CCDC42: variants seen among roughly 807,000 people sequenced by gnomAD.
The protein encoded by CCDC42 is coiled-coil domain containing 42.
A neutral mutation model predicts 40.8 loss-of-function variants in CCDC42; 38 were observed. The ratio of observed to expected loss-of-function variants is 0.93; its 90% CI spans 0.72 to 1.22. The LOEUF is 1.22. Among genes scored for constraint, CCDC42 ranks in the 50% most tolerant of loss-of-function variants. The pLI is 0.00. For missense variants in CCDC42, 379 were observed against 416.5 expected, an observed-to-expected ratio of 0.91 and a Z score of 0.78; for synonymous variants, 135 against 157.5, an observed-to-expected ratio of 0.86 and a Z score of 1.07.
Position 8,741,648 on chromosome 17 carries a change from G to A in CCDC42, c.318C>T (p.Arg106=), listed in dbSNP as rs768202344. 9 of 1,613,214 alleles carry A rather than the reference G, an allele frequency of 5.6e-6. No individual in the cohort carries two copies. The highest frequency in any genetic ancestry group is 2.7e-5 in the African/African-American group (2 of 74,876). The change falls in exon 4 of 7, where the codon CGC becomes CGT. Residue 106 remains arginine, a synonymous_variant. Coordinates refer to ENST00000293845, the MANE Select transcript of CCDC42 (RefSeq NM_144681.3). ...FIQENDQKRI[R]AMKKANKERE... The stretch of plus-strand genomic sequence containing the variant: ...GCTCCTTGTTGGCTTTCTTCATGGC[G>A]CGGATCCGTTTCTGGTCGTTCTCCT...
Position 8,744,162 on chromosome 17 carries a change from C to A in CCDC42, c.106G>T (p.Ala36Ser), listed in dbSNP as rs1567537108. Residue 36 changes from alanine to serine, a missense_variant, in exon 2 of 7, where the codon GCG (alanine) becomes TCG (serine). Transcript: ENST00000293845. ...MLQKLPNVEG[A>S]SESPSIWLLE... Reference sequence around the variant, plus strand: ...AGCCAGATGGATGGGGACTCCGACGCCCCCTCAACATTGGGGAGTTTCCTG... The same window carrying A: ...AGCCAGATGGATGGGGACTCCGACGACCCCTCAACATTGGGGAGTTTCCTG... 6.2e-7 allele frequency: 1 copy of A among 1,613,794 alleles called. No individual in the cohort carries two copies.
chr17:8,735,025 C>G lies in CCDC42; in HGVS notation c.873+71G>C, dbSNP rs1198360981. The stretch of plus-strand genomic sequence containing the variant: ...CTGCTTCTCTGTCAGGTTCATTCTT[C>G]CACCCAACCAACTGGCAACCTCCTC... On this transcript the variant is annotated intron_variant, in intron 6 of 6. Coordinates refer to ENST00000293845, the MANE Select transcript of CCDC42 (RefSeq NM_144681.3). This position sits in a 1 kb window ranked among gnomAD's most constrained non-coding sequence, Gnocchi z 4.7. 1 of 1,540,072 alleles carries G rather than the reference C, an allele frequency of 6.5e-7. No homozygotes were observed. Among genetic ancestry groups the G allele is most frequent in the Non-Finnish European group, 8.9e-7 (1 of 1,121,318 alleles).
intron 2 of CCDC42, 43 bp downstream of exon 2, chr17:8,744,036 C>A (rs756673878): frequency 3.4e-6 from 5 of 1,454,574 alleles, no homozygotes; most frequent in Middle Eastern, 1.8e-4. Context: ...CAGCCCACCC[C>A]CTTCCTTTCC....
At chr17:8,731,778 A>G (rs1370993160) in intron 6 of CCDC42, among the ~76,000 whole-genome samples, 3 of 152,160 alleles carry the variant, frequency 2.0e-5, no homozygotes, top group Non-Finnish European at 2.9e-5. Flanking sequence ...GAGGGAGAGG[A>G]TCAGAAAAAA....
intron 3 of CCDC42, among the ~76,000 whole-genome samples, chr17:8,742,752 C>G (rs2086652898): frequency 6.6e-6 from 1 of 152,204 alleles, no homozygotes; most frequent in Admixed American, 6.5e-5. Flanking sequence ...AATATACAAG[C>G]CTGGGCCCAA....
In CCDC42 at chr17:8,744,643, T is replaced by A; in HGVS notation, c.-34A>T. 1 of 1,517,468 alleles carries A rather than the reference T, an allele frequency of 6.6e-7. No individual in the cohort carries two copies. Among genetic ancestry groups the A allele is most frequent in the Non-Finnish European group, 9.1e-7 (1 of 1,096,110 alleles). 94.0% of individuals were successfully genotyped at this position (1,517,468 alleles called of 1,614,324 possible). On this transcript the variant is annotated 5_prime_UTR_variant, in exon 1 of 7. Coordinates refer to ENST00000293845, the MANE Select transcript of CCDC42 (RefSeq NM_144681.3). ...TGACCTCACGGCCCAGGCAGCTGAC[T>A]CTTCACAGTGAAATTGTGGGTAGCA...
intron 3 of CCDC42, among the ~76,000 whole-genome samples, chr17:8,743,305 T>C (rs1486446845): frequency 6.6e-6 from 1 of 152,136 alleles, no homozygotes; most frequent in East Asian, 1.9e-4. Context: ...ATTTCCCAAG[T>C]GTTTAGTCCT....
chr17:8,737,053 G>T (rs200141486), intron 4 of CCDC42, among the ~76,000 whole-genome samples: 1 of 112,668 alleles, frequency 8.9e-6, no homozygotes, highest in Non-Finnish European at 2.0e-5. Flanking sequence ...GGAAGGGAAA[G>T]AAAAAAGAAA....
At chr17:8,737,427 C>A (rs1243481332) in intron 4 of CCDC42, among the ~76,000 whole-genome samples, 3 of 152,182 alleles carry the variant, frequency 2.0e-5, no homozygotes, top group Non-Finnish European at 2.9e-5. Flanking sequence ...CACAATGATA[C>A]TAGAAACATT....
intron 6 of CCDC42, among the ~76,000 whole-genome samples, chr17:8,733,300 C>T (rs779085231): frequency 3.3e-5 from 5 of 152,088 alleles, no homozygotes; most frequent in Non-Finnish European, 7.3e-5. Flanking sequence ...CGTGTATTTC[C>T]GTGAGTAGGT....
At chr17:8,737,659 T>C (rs1465765359) in intron 4 of CCDC42, among the ~76,000 whole-genome samples, 1 of 152,176 alleles carries the variant, frequency 6.6e-6, no homozygotes, top group Non-Finnish European at 1.5e-5. Context: ...CTGACTTCTA[T>C]CAATAAAGAT....
At chr17:8,744,392 T>C in intron 1 of CCDC42, 135 bp downstream of exon 1, 5 of 788,156 alleles carry the variant, frequency 6.3e-6, no homozygotes, top group South Asian at 6.2e-5. Flanking sequence ...CGTGATGAGG[T>C]GGACTGGTGC....
chr17:8,731,870 A>C (rs1350881771), intron 6 of CCDC42, among the ~76,000 whole-genome samples: 2 of 152,214 alleles, frequency 1.3e-5, no homozygotes, highest in Non-Finnish European at 2.9e-5. Flanking sequence ...TTACCTATAT[A>C]ACAAACCTGC....
Position 8,735,240 on chromosome 17 carries a change from C to G in CCDC42, c.729G>C (p.Ala243=). 6.2e-7 allele frequency: 1 copy of G among 1,614,132 alleles called. No homozygotes were observed. The highest frequency in any genetic ancestry group is 8.5e-7 in the Non-Finnish European group (1 of 1,180,010). ...SNVIFWESRW[A]HIQNTAAKKT... is the part of the protein sequence containing the mutation. Reference sequence around the variant, plus strand: ...TCTTGGCTGCGGTGTTCTGGATGTGCGCCCAGCGAGATTCCTGGAGAGTGG... The same window carrying G: ...TCTTGGCTGCGGTGTTCTGGATGTGGGCCCAGCGAGATTCCTGGAGAGTGG... The change falls in exon 6 of 7, where the codon GCG becomes GCC. Residue 243 remains alanine (A), a synonymous_variant. Transcript: ENST00000293845. This position sits in a 1 kb window ranked among gnomAD's most constrained non-coding sequence, Gnocchi z 4.7.
rs116945138 is a variant in CCDC42 at position 8,735,986 on chromosome 17, C to T, written c.493-375G>A. Among the ~76,000 whole-genome samples, 276 of 152,286 alleles carry T rather than the reference C, an allele frequency of 1.8e-3. 6 individuals carry two copies. In the East Asian group the frequency reaches 0.047, roughly 26 times the overall value. ...GCATCTGAATTTTGCAAAAGGTCCC[C>T]TGGTGGCTCTAGGCACAGCCAGGGT... On this transcript the variant is annotated intron_variant, in intron 4 of 6. Transcript: ENST00000293845. This position sits in a 1 kb window ranked among gnomAD's most constrained non-coding sequence, Gnocchi z 4.7.
chr17:8,744,238 G>A (rs2086663963), intron 1 of CCDC42, 54 bp from the exon 2 acceptor site: 2 of 1,380,906 alleles, frequency 1.4e-6, no homozygotes, highest in Non-Finnish European at 2.0e-6. Flanking sequence ...GGGTAGGCTG[G>A]GGCTGGGAGT....
intron 4 of CCDC42, among the ~76,000 whole-genome samples, chr17:8,737,180 C>G (rs1280483373): frequency 1.3e-5 from 2 of 152,126 alleles, no homozygotes; most frequent in Non-Finnish European, 2.9e-5. Context: ...ACAGACAATT[C>G]ACGTGTGCAT....
At chr17:8,737,081 AAAAAG>A (rs1329940288) in intron 4 of CCDC42, among the ~76,000 whole-genome samples, 1 of 152,130 alleles carries the variant, frequency 6.6e-6, no homozygotes, top group Non-Finnish European at 1.5e-5. Context: ...GGAAAGAAAG[AAAAAG>A]AAAAAAAGAA....
In CCDC42 at chr17:8,735,378, C is replaced by T. The variant is rs549982767; in HGVS notation, c.714+12G>A. 28 of 1,613,468 alleles carry T rather than the reference C, an allele frequency of 1.7e-5. No individual in the cohort carries two copies. The highest frequency in any genetic ancestry group is 8.3e-5 in the Admixed American group (5 of 60,000). ...GTGCCTGGGAGCCCCCGGCCCGCCC[C>T]GGGCCCCTCACCCAGAAGATGACAT... On this transcript the variant is annotated intron_variant, in intron 5 of 6. Transcript: ENST00000293845. The surrounding 1 kb of genome is among the most constrained non-coding windows in gnomAD (Gnocchi z 4.7).
Sources: allele counts gnomAD v4.1 joint callset (sites outside exome capture counted in the v4.1 genomes callset), GRCh38; gene constraint gnomAD v4.1.1; non-coding constraint Gnocchi (gnomAD v3.1); transcripts MANE v1.5; gene names NCBI Gene and HGNC (gene_info 2026-07-23, HGNC 2026-07-21).